Variants in PTPRD observed in about 807,000 individuals in gnomAD.
PTPRD encodes receptor-type tyrosine-protein phosphatase delta.
A neutral mutation model predicts 214.5 loss-of-function variants in PTPRD; 34 were observed. The observed-to-expected ratio is 0.16, with a 90% CI of 0.12 to 0.21. The LOEUF is 0.21. Among genes scored for constraint, PTPRD ranks in the 10% least tolerant of loss-of-function variants. PTPRD has a pLI of 1.00. For synonymous variants in PTPRD, 1,128 were observed against 845.7 expected, an observed-to-expected ratio of 1.33 and a Z score of -5.79; for missense variants, 2,545 against 2,398.7, an observed-to-expected ratio of 1.06 and a Z score of -1.27.
chr9:9,890,613 A>C (rs997784217), intron 5 of PTPRD, among the ~76,000 whole-genome samples: 1 of 152,096 alleles, frequency 6.6e-6, no homozygotes, highest in African/African-American at 2.4e-5. Context: ...TCAGAAGCAT[A>C]AAGAGCAGGT....
At chr9:8,437,746 G>C (rs1239219930) in intron 34 of PTPRD, among the ~76,000 whole-genome samples, 2 of 152,134 alleles carry the variant, frequency 1.3e-5, no homozygotes, top group Non-Finnish European at 2.9e-5. Flanking sequence ...GAAAAGACAG[G>C]AGGGAAAGAG....
At chr9:8,801,592 T>C (rs2096572242) in intron 11 of PTPRD, among the ~76,000 whole-genome samples, 1 of 152,142 alleles carries the variant, frequency 6.6e-6, no homozygotes, top group Admixed American at 6.5e-5. Flanking sequence ...GGCACATGCC[T>C]GTAATCCCAG....
intron 11 of PTPRD, among the ~76,000 whole-genome samples, chr9:8,738,425 A>G (rs796434317): frequency 1.2e-4 from 19 of 152,312 alleles, no homozygotes; most frequent in African/African-American, 4.3e-4. Flanking sequence ...TTTCTTTAAA[A>G]AAAGACAAAC....
intron 4 of PTPRD, among the ~76,000 whole-genome samples, chr9:9,974,599 G>A (rs1252258962): frequency 5.3e-5 from 8 of 151,964 alleles, no homozygotes; most frequent in Admixed American, 6.6e-5. Context: ...ACTAATTTCC[G>A]GATAAATTTC....
chr9:9,360,107 T>C (rs2055460385), intron 9 of PTPRD, among the ~76,000 whole-genome samples: 1 of 151,262 alleles, frequency 6.6e-6, no homozygotes, highest in South Asian at 2.1e-4. Context: ...ATTTAATATT[T>C]GTGGTAAGTA....
intron 7 of PTPRD, among the ~76,000 whole-genome samples, chr9:9,615,788 T>G (rs758555496): frequency 6.6e-6 from 1 of 152,160 alleles, no homozygotes; most frequent in South Asian, 2.1e-4. Flanking sequence ...AAAGTGAGTA[T>G]TATAATCCAC....
chr9:9,302,560 C>T (rs1955721490), intron 9 of PTPRD, among the ~76,000 whole-genome samples: 2 of 150,088 alleles, frequency 1.3e-5, no homozygotes, highest in African/African-American at 4.9e-5. Context: ...ATTTTTTGTT[C>T]CACTAATATT....
intron 8 of PTPRD, among the ~76,000 whole-genome samples, chr9:9,463,395 G>A (rs1232656706): frequency 2.6e-5 from 4 of 152,062 alleles, no homozygotes; most frequent in Admixed American, 2.6e-4. Flanking sequence ...GGAGGGGCAG[G>A]AAGAGGGAGA....
chr9:10,216,265 T>C (rs2154345488), intron 3 of PTPRD, among the ~76,000 whole-genome samples: 1 of 151,930 alleles, frequency 6.6e-6, no homozygotes, highest in Admixed American at 6.6e-5. Flanking sequence ...CTGGCCTCAC[T>C]GCAGTTTCAG....
chr9:9,782,807 G>C (rs2098865028), intron 5 of PTPRD, among the ~76,000 whole-genome samples: 1 of 152,044 alleles, frequency 6.6e-6, no homozygotes, highest in Non-Finnish European at 1.5e-5. Flanking sequence ...ATGGTATTCT[G>C]AATACTCAGG....
intron 14 of PTPRD, among the ~76,000 whole-genome samples, chr9:8,608,780 T>A (rs887546228): frequency 1.3e-5 from 2 of 152,144 alleles, no homozygotes; most frequent in African/African-American, 4.8e-5. Flanking sequence ...CTCCTTTAAT[T>A]TTCTTAATTC....
chr9:9,863,270 T>A (rs970889408), intron 5 of PTPRD, among the ~76,000 whole-genome samples: 3 of 151,764 alleles, frequency 2.0e-5, no homozygotes, highest in East Asian at 3.9e-4. Context: ...TGCAGGGGAG[T>A]TGGATTAATA....
intron 5 of PTPRD, among the ~76,000 whole-genome samples, chr9:9,894,607 A>C (rs2074417643): frequency 6.6e-6 from 1 of 151,930 alleles, no homozygotes; most frequent in South Asian, 2.1e-4. Context: ...GAGTTCCTTA[A>C]ATTCCCTCTG....
chr9:9,371,397 C>T (rs908305278), intron 9 of PTPRD, among the ~76,000 whole-genome samples: 33 of 152,216 alleles, frequency 2.2e-4, no homozygotes, highest in African/African-American at 7.0e-4. Flanking sequence ...AGTTTATGTG[C>T]GTAGAGGTGT....
intron 10 of PTPRD, among the ~76,000 whole-genome samples, chr9:9,020,404 A>G (rs2099561741): frequency 6.6e-6 from 1 of 152,174 alleles, no homozygotes; most frequent in Non-Finnish European, 1.5e-5. Flanking sequence ...GAAATTTTGT[A>G]AGAAAGCTTG....
intron 8 of PTPRD, among the ~76,000 whole-genome samples, chr9:9,535,498 G>A (rs1490638520): frequency 1.3e-5 from 2 of 152,094 alleles, no homozygotes; most frequent in Non-Finnish European, 2.9e-5. Flanking sequence ...CAGCACTGCT[G>A]TGTCACCAAA....
chr9:10,346,955 A>T (rs1339075790), intron 2 of PTPRD, among the ~76,000 whole-genome samples: 4 of 152,216 alleles, frequency 2.6e-5, no homozygotes. Context: ...GAGCTGCATA[A>T]TTATGATGTC....
At chr9:9,032,876 T>C (rs371626082) in intron 10 of PTPRD, among the ~76,000 whole-genome samples, 2 of 152,128 alleles carry the variant, frequency 1.3e-5, no homozygotes, top group Non-Finnish European at 2.9e-5. Flanking sequence ...TACAAATATC[T>C]TGGCGTCTTC....
chr9:10,439,494 A>T (rs1555349294), intron 2 of PTPRD, among the ~76,000 whole-genome samples: 1 of 151,842 alleles, frequency 6.6e-6, no homozygotes, highest in Non-Finnish European at 1.5e-5. Flanking sequence ...TTTATTTACA[A>T]GGTAGTGGTC....
Sources: gnomAD v4.1 joint callset for allele counts (sites outside exome capture counted in the v4.1 genomes callset) on GRCh38, gnomAD v4.1.1 for gene constraint, MANE v1.5 for transcripts, NCBI Gene and HGNC (gene_info 2026-07-23, HGNC 2026-07-21) for gene names.